The following MCU variants were observed in gnomAD, a reference collection of about 807,000 sequenced individuals.
MCU encodes calcium uniporter protein, mitochondrial.
MCU carries 12 observed loss-of-function variants against 45.2 expected under a neutral mutation model. The ratio of observed to expected loss-of-function variants is 0.27; its 90% CI spans 0.17 to 0.43. The LOEUF is 0.43. MCU is among the 20% of genes least tolerant of loss of function. The pLI is 1.00. For synonymous variants in MCU, 160 were observed against 165.1 expected (o/e 0.97, Z 0.24); for missense variants, 324 against 436.7 (o/e 0.74, Z 2.30).
chr10:72,762,382 C>T (rs1843668081), intron 1 of MCU, among the ~76,000 whole-genome samples: 1 of 151,716 alleles, frequency 6.6e-6, no homozygotes, highest in Admixed American at 6.6e-5. Context: ...ACAATACATA[C>T]TATGATTTTA....
At chr10:72,737,057 T>A (rs1843261176) in intron 1 of MCU, among the ~76,000 whole-genome samples, 1 of 152,230 alleles carries the variant, frequency 6.6e-6, no homozygotes, top group South Asian at 2.1e-4. Flanking sequence ...AATTGTGGTT[T>A]AAACTCTAAA....
rs187067626 is a variant in MCU, at chr10:72,735,285, A to G, written c.150+42984A>G. 1.2e-3 allele frequency among the ~76,000 whole-genome samples: 182 copies of G among 152,254 alleles called. 1 individual carries two copies. Among genetic ancestry groups the G allele is most frequent in the Middle Eastern group, 3.4e-3 (1 of 294 alleles). ...GGGTTTTTTTTCAGACTAGAGATTG[A>G]AAATAGTTATCAGACTGAAAGAATT... is the stretch of plus-strand genomic sequence containing the variant. On this transcript the variant is annotated intron_variant, in intron 1 of 7. Transcript: ENST00000373053.
At chr10:72,719,130 A>G (rs1842989065) in intron 1 of MCU, among the ~76,000 whole-genome samples, 1 of 152,234 alleles carries the variant, frequency 6.6e-6, no homozygotes, top group Non-Finnish European at 1.5e-5. Flanking sequence ...CAGAAAGTAT[A>G]TACAAAAAGT....
chr10:72,862,280 C>T lies in MCU; in HGVS notation c.496+1753C>T, dbSNP rs1310223087. On this transcript the variant is annotated intron_variant, in intron 4 of 7. Transcript: ENST00000373053. The stretch of plus-strand genomic sequence containing the variant: ...ACAGGCGTGAGCCACCGCACCCGGC[C>T]GAGTTGTGTCTTTTTTGGTCCTGTT... Among the ~76,000 whole-genome samples the T allele has an allele frequency of 2.0e-5, 3 of 152,068 alleles. No individual in the cohort carries two copies. In the East Asian group the frequency reaches 5.8e-4, roughly 29 times the overall value.
At chr10:72,805,099 TTCTCTTTC>T (rs1564562208) in intron 1 of MCU, among the ~76,000 whole-genome samples, 3 of 57,094 alleles carry the variant, frequency 5.3e-5, no homozygotes, top group East Asian at 9.0e-4. Context: ...CTTTCTTTCT[TTCTCTTTC>T]TTTCTTTCTT....
intron 1 of MCU, among the ~76,000 whole-genome samples, chr10:72,703,773 A>G (rs1842785804): frequency 6.6e-6 from 1 of 152,040 alleles, no homozygotes; most frequent in Non-Finnish European, 1.5e-5. Context: ...GCATACACCT[A>G]TAATCCCAGC....
chr10:72,802,041 TGAG>T (rs1844351245), intron 1 of MCU, among the ~76,000 whole-genome samples: 1 of 152,170 alleles, frequency 6.6e-6, no homozygotes, highest in South Asian at 2.1e-4. Flanking sequence ...ATGTGGTCTT[TGAG>T]GAATTGTGAT....
chr10:72,769,087 C>T (rs1843769326), intron 1 of MCU, among the ~76,000 whole-genome samples: 1 of 152,018 alleles, frequency 6.6e-6, no homozygotes, highest in Admixed American at 6.6e-5. Context: ...CTTCTGGGCT[C>T]AAGTGATCCT....
chr10:72,710,086 C>A (rs781690361), intron 1 of MCU, among the ~76,000 whole-genome samples: 1 of 152,188 alleles, frequency 6.6e-6, no homozygotes, highest in African/African-American at 2.4e-5. Flanking sequence ...AGCAATTCTC[C>A]TGCCTCAGCC....
At chr10:72,754,557 C>T (rs1382734109) in intron 1 of MCU, among the ~76,000 whole-genome samples, 3 of 152,058 alleles carry the variant, frequency 2.0e-5, no homozygotes, top group African/African-American at 7.2e-5. Context: ...TTGAGATGAA[C>T]CTGGGCAACA....
chr10:72,804,167 A>G (rs1042614447), intron 1 of MCU, among the ~76,000 whole-genome samples: 7 of 148,172 alleles, frequency 4.7e-5, no homozygotes, highest in Non-Finnish European at 8.9e-5. Context: ...GCTCACTGCA[A>G]CCTCCACCTC....
chr10:72,884,799 C>T (rs1916576), intron 7 of MCU, among the ~76,000 whole-genome samples: 8,002 of 152,182 alleles, frequency 0.053, 705 homozygotes, highest in African/African-American at 0.18. Flanking sequence ...GAGGGAAAGA[C>T]TGCTAGAGAT....
intron 1 of MCU, among the ~76,000 whole-genome samples, chr10:72,712,806 A>G (rs1342341478): frequency 1.3e-5 from 2 of 152,182 alleles, no homozygotes; most frequent in African/African-American, 4.8e-5. Flanking sequence ...TTATCTTCTC[A>G]ATTTCATGCT....
At chr10:72,700,446 A>T (rs1356182899) in intron 1 of MCU, among the ~76,000 whole-genome samples, 1 of 152,088 alleles carries the variant, frequency 6.6e-6, no homozygotes, top group East Asian at 1.9e-4. Context: ...CTGTTAAAAA[A>T]CCTTTCCTCT....
At chr10:72,710,488 C>G (rs1048661113) in intron 1 of MCU, among the ~76,000 whole-genome samples, 1 of 146,546 alleles carries the variant, frequency 6.8e-6, no homozygotes, top group Non-Finnish European at 1.5e-5. Flanking sequence ...AGGTAAACTA[C>G]TGATGGGAAT....
At chr10:72,840,875 T>C (rs1845038163) in intron 2 of MCU, among the ~76,000 whole-genome samples, 1 of 152,196 alleles carries the variant, frequency 6.6e-6, no homozygotes, top group Non-Finnish European at 1.5e-5. Context: ...AGAACTCTTT[T>C]CTTGAAGGAT....
Position 72,777,327 on chromosome 10 carries a change from G to A in MCU, c.151-57032G>A, listed in dbSNP as rs574450946. The stretch of plus-strand genomic sequence containing the variant: ...CTAAAGCTACAGTAAGCGAAATAGC[G>A]TGATACTGGCTTAAAAGCAGACACA... On this transcript the variant is annotated intron_variant, in intron 1 of 7. Coordinates refer to ENST00000373053, the MANE Select transcript of MCU (RefSeq NM_138357.3). Among the ~76,000 whole-genome samples, 39 of 152,244 alleles carry A rather than the reference G, an allele frequency of 2.6e-4. 1 individual carries two copies. The highest frequency in any genetic ancestry group is 3.4e-3 in the Middle Eastern group (1 of 294).
intron 1 of MCU, among the ~76,000 whole-genome samples, chr10:72,789,652 T>A (rs1246957885): frequency 6.6e-6 from 1 of 152,176 alleles, no homozygotes; most frequent in Admixed American, 6.5e-5. Context: ...AAATGTAAGA[T>A]TGGTAAAGTT....
intron 6 of MCU, among the ~76,000 whole-genome samples, chr10:72,882,292 C>T (rs113639675): frequency 0.049 from 7,382 of 152,076 alleles, 599 homozygotes; most frequent in African/African-American, 0.17. Flanking sequence ...AATCTGGGCA[C>T]CTTGAAAAAA....
Sources: allele counts gnomAD v4.1 joint callset (sites outside exome capture counted in the v4.1 genomes callset), GRCh38; gene constraint gnomAD v4.1.1; transcripts MANE v1.5; gene names NCBI Gene and HGNC (gene_info 2026-07-23, HGNC 2026-07-21).